SLC4A4: variants seen among roughly 807,000 people sequenced by gnomAD.
The protein encoded by SLC4A4 is electrogenic sodium bicarbonate cotransporter 1.
Under a neutral mutation model 111.5 loss-of-function variants are expected in SLC4A4, and 27 were observed. The ratio of observed to expected loss-of-function variants is 0.24; its 90% confidence interval spans 0.18 to 0.33. The LOEUF (loss-of-function observed/expected upper bound fraction) is 0.33, where lower values mean the gene tolerates loss of function less well. Among genes scored for constraint, SLC4A4 ranks in the 10% least tolerant of loss-of-function variants. The pLI is 1.00. For missense variants in SLC4A4, 909 were observed against 1,315.5 expected, an observed-to-expected ratio of 0.69 and a Z score of 4.78; for synonymous variants, 443 against 463.4, an observed-to-expected ratio of 0.96 and a Z score of 0.57.
intron 2 of SLC4A4, among the ~76,000 whole-genome samples, chr4:71,158,096 TC>T (rs1744523925): frequency 1.2e-4 from 12 of 103,544 alleles, no homozygotes; most frequent in Non-Finnish European, 2.3e-4. Flanking sequence ...CATCCTTGAC[TC>T]TGTGTGTGTG....
chr4:71,070,497 A>C (rs1741636306), intron 1 of SLC4A4, among the ~76,000 whole-genome samples: 1 of 152,202 alleles, frequency 6.6e-6, no homozygotes, highest in African/African-American at 2.4e-5. Flanking sequence ...GTCAATGGCC[A>C]GTCTCCAGGT....
intron 2 of SLC4A4, among the ~76,000 whole-genome samples, chr4:71,108,687 A>G (rs1743008523): frequency 6.6e-6 from 1 of 152,098 alleles, no homozygotes; most frequent in South Asian, 2.1e-4. Flanking sequence ...ATTTCCATCA[A>G]ATTTGGGGAA....
intron 1 of SLC4A4, among the ~76,000 whole-genome samples, chr4:71,204,311 C>CA (rs1230579011): frequency 1.3e-5 from 2 of 152,144 alleles, no homozygotes; most frequent in Admixed American, 1.3e-4. Context: ...CGTAGAATAG[C>CA]AAGCATGTCT....
chr4:71,416,119 A>G (rs1035261360), intron 7 of SLC4A4, among the ~76,000 whole-genome samples: 3 of 152,188 alleles, frequency 2.0e-5, no homozygotes, highest in Non-Finnish European at 2.9e-5. Flanking sequence ...CTGGATAACA[A>G]TTAGCAAGCT....
chr4:71,379,903 T>C (rs1340186781), intron 6 of SLC4A4, among the ~76,000 whole-genome samples: 1 of 152,102 alleles, frequency 6.6e-6, no homozygotes, highest in Non-Finnish European at 1.5e-5. Flanking sequence ...CTTGCATAGA[T>C]TGGGGCTTTT....
chr4:71,271,273 T>C (rs1722686189), intron 3 of SLC4A4, among the ~76,000 whole-genome samples: 1 of 152,258 alleles, frequency 6.6e-6, no homozygotes, highest in Non-Finnish European at 1.5e-5. Context: ...TGAGAAAATA[T>C]AGATCTGAAA....
intron 18 of SLC4A4, among the ~76,000 whole-genome samples, chr4:71,534,938 C>A (rs1337016378): frequency 6.6e-6 from 1 of 152,108 alleles, no homozygotes; most frequent in Non-Finnish European, 1.5e-5. Context: ...TGTTATGAGT[C>A]TAAAGAAAAT....
chr4:71,546,478 GGA>G lies in SLC4A4; in HGVS notation c.2574_2575del (p.Glu858AspfsTer60), dbSNP rs1265546038. The G allele has an allele frequency of 6.2e-7, 1 of 1,612,656 alleles. No individual in the cohort carries two copies. The highest frequency in any genetic ancestry group is 1.7e-5 in the Admixed American group (1 of 59,874). ...TTGCTCACATCGACAGTTTGAAGAT[GGA>G]GACAGAGACTTCTGCACCTGGAGAA... is the stretch of plus-strand genomic sequence containing the variant. ...SIAHIDSLKM[E>X]TETSAPGEQP... On this transcript the variant is annotated frameshift_variant, in exon 19 of 26. Coordinates refer to ENST00000264485, the MANE Select transcript of SLC4A4 (RefSeq NM_001098484.3). LOFTEE classifies it high-confidence loss of function.
At chr4:71,143,068 A>G (rs540495608) in intron 2 of SLC4A4, among the ~76,000 whole-genome samples, 6 of 152,178 alleles carry the variant, frequency 3.9e-5, no homozygotes, top group Admixed American at 1.3e-4. Flanking sequence ...ATTTAGCATT[A>G]GGTATATCTC....
intron 16 of SLC4A4, 99 bp downstream of exon 16, chr4:71,497,791 C>G (rs1287372332): frequency 1.0e-6 from 1 of 977,434 alleles, no homozygotes; most frequent in Non-Finnish European, 1.6e-6. Flanking sequence ...TTCAATGTGT[C>G]CAATATAATT....
chr4:71,350,786 A>T (rs1262737013), intron 5 of SLC4A4, among the ~76,000 whole-genome samples: 1 of 152,148 alleles, frequency 6.6e-6, no homozygotes. Flanking sequence ...ATTAGACAAG[A>T]ATGTTACACT....
At chr4:71,478,452 T>C (rs1728568351) in intron 14 of SLC4A4, among the ~76,000 whole-genome samples, 1 of 151,936 alleles carries the variant, frequency 6.6e-6, no homozygotes, top group African/African-American at 2.4e-5. Context: ...GTTCATGTCC[T>C]TTGCAGGGAC....
intron 2 of SLC4A4, among the ~76,000 whole-genome samples, chr4:71,176,411 A>C (rs1745096774): frequency 6.6e-6 from 1 of 152,238 alleles, no homozygotes; most frequent in Admixed American, 6.5e-5. Flanking sequence ...AACACATGGC[A>C]AAGAAGTTAA....
At chr4:71,305,939 A>G (rs1366372151) in intron 3 of SLC4A4, among the ~76,000 whole-genome samples, 1 of 152,218 alleles carries the variant, frequency 6.6e-6, no homozygotes, top group East Asian at 1.9e-4. Flanking sequence ...GAAGATGAGA[A>G]GGCACTCTGC....
At chr4:71,264,765 G>A (rs998057427) in intron 3 of SLC4A4, among the ~76,000 whole-genome samples, 6 of 152,044 alleles carry the variant, frequency 3.9e-5, no homozygotes, top group Admixed American at 6.6e-5. Flanking sequence ...GGGCAAAAAC[G>A]CTTCAAAAGG....
At chr4:71,333,942 G>A (rs1042746831) in intron 3 of SLC4A4, among the ~76,000 whole-genome samples, 1 of 151,374 alleles carries the variant, frequency 6.6e-6, no homozygotes, top group Non-Finnish European at 1.5e-5. Context: ...GGCAGGTCCA[G>A]AAATGCTGTC....
At chr4:71,471,994 A>G (rs1446297242) in intron 13 of SLC4A4, among the ~76,000 whole-genome samples, 1 of 151,916 alleles carries the variant, frequency 6.6e-6, no homozygotes, top group African/African-American at 2.4e-5. Flanking sequence ...ATGACAGATC[A>G]TATTTCTAAT....
At chr4:71,401,548 T>A (rs1284731503) in intron 7 of SLC4A4, among the ~76,000 whole-genome samples, 2 of 152,232 alleles carry the variant, frequency 1.3e-5, no homozygotes, top group Non-Finnish European at 2.9e-5. Flanking sequence ...TGATTGCCTT[T>A]GATTTGCTTT....
At chr4:71,313,234 C>T (rs551445631) in intron 3 of SLC4A4, among the ~76,000 whole-genome samples, 5 of 152,246 alleles carry the variant, frequency 3.3e-5, no homozygotes, top group African/African-American at 9.6e-5. Context: ...ACATGAAGGA[C>T]CTCTTCGAGG....
Sources: gnomAD v4.1 joint callset for allele counts (sites outside exome capture counted in the v4.1 genomes callset) on GRCh38, gnomAD v4.1.1 for gene constraint, MANE v1.5 for transcripts, NCBI Gene and HGNC (gene_info 2026-07-23, HGNC 2026-07-21) for gene names.